The following CAST variants were observed in gnomAD, a reference collection of about 807,000 sequenced individuals.
CAST encodes MIR583 host.
In CAST, 76 loss-of-function variants were observed where a neutral mutation model predicts 119.6. That is an observed-to-expected ratio of 0.64 (90% CI 0.53 to 0.77). CAST has a LOEUF of 0.77. Among genes scored for constraint, CAST ranks in the 30% least tolerant of loss-of-function variants. The pLI, the probability that CAST is intolerant of heterozygous loss-of-function variation, is 0.00. For missense variants in CAST, 953 were observed against 946.5 expected, an observed-to-expected ratio of 1.01 and a Z score of -0.09; for synonymous variants, 319 against 331.6, an observed-to-expected ratio of 0.96 and a Z score of 0.41.
At chr5:96,719,567 T>C (rs1353788974) in intron 3 of CAST, among the ~76,000 whole-genome samples, 1 of 152,234 alleles carries the variant, frequency 6.6e-6, no homozygotes, top group Non-Finnish European at 1.5e-5. Context: ...GTGCCTTAAT[T>C]CAAGTTTATA....
upstream of CAST, among the ~76,000 whole-genome samples, chr5:96,527,770 A>T (rs909856571): frequency 6.6e-6 from 1 of 152,214 alleles, no homozygotes; most frequent in African/African-American, 2.4e-5. Context: ...GCACAAGCCC[A>T]TTCTAGAGCC....
rs986606791 is a variant in CAST at position 96,586,220 on chromosome 5, T to A, written c.60+56340T>A. Among the ~76,000 whole-genome samples, 7 of 152,344 alleles carry A rather than the reference T, an allele frequency of 4.6e-5. No individual in the cohort carries two copies. In the East Asian group the frequency reaches 1.3e-3, roughly 29 times the overall value. ...GTAGCACTAGCTCTTTGAGGGTCAA[T>A]AAGGTGAAAAGTTAGTAACTACTTG... On this transcript the variant is annotated intron_variant, in intron 1 of 11. Coordinates refer to the CAST transcript ENST00000505143.
At chr5:96,535,975 T>C (rs1745803579) in intron 1 of CAST, among the ~76,000 whole-genome samples, 1 of 151,914 alleles carries the variant, frequency 6.6e-6, no homozygotes, top group Admixed American at 6.6e-5. Flanking sequence ...AGGAGCCCTT[T>C]AGTACATTTA....
the CAST span, among the ~76,000 whole-genome samples, chr5:96,349,934 G>A: frequency 6.6e-6 from 1 of 152,114 alleles, no homozygotes; most frequent in Non-Finnish European, 1.5e-5. Context: ...CTACACAAAT[G>A]ACCAGGAATA....
At chr5:96,662,995 C>T (rs900557378) in intron 1 of CAST, 20 of 646,520 alleles carry the variant, frequency 3.1e-5, no homozygotes, top group Middle Eastern at 3.7e-4. Context: ...TTCTGCCCAC[C>T]TGGCAGCCGC....
At chr5:96,734,967 G>C (rs771281827) in intron 9 of CAST, among the ~76,000 whole-genome samples, 1 of 152,086 alleles carries the variant, frequency 6.6e-6, no homozygotes, top group Admixed American at 6.6e-5. Context: ...TGGGGAGAGA[G>C]GGAGGGGAAG....
intron 6 of CAST, chr5:96,728,169 G>A (rs150532567): frequency 2.6e-5 from 4 of 152,298 alleles, no homozygotes; most frequent in African/African-American, 7.2e-5. Flanking sequence ...AGCACTTAAA[G>A]CAAGTACTAA....
chr5:96,433,241 G>C, the CAST span: 1 of 618,214 alleles, frequency 1.6e-6, no homozygotes. Flanking sequence ...TCGGTCTCCA[G>C]GCTGAGTGGA....
At chr5:96,540,016 T>C (rs976309233) in intron 1 of CAST, among the ~76,000 whole-genome samples, 2 of 152,178 alleles carry the variant, frequency 1.3e-5, no homozygotes, top group African/African-American at 4.8e-5. Flanking sequence ...GTATTTATAG[T>C]ATACCTCTTT....
chr5:96,559,819 A>G (rs1178686292), intron 1 of CAST, among the ~76,000 whole-genome samples: 1 of 152,228 alleles, frequency 6.6e-6, no homozygotes, highest in African/African-American at 2.4e-5. Context: ...CCATCAAGCT[A>G]CCAGTGACTT....
the CAST span, among the ~76,000 whole-genome samples, chr5:96,458,332 C>T: frequency 6.6e-6 from 1 of 152,098 alleles, no homozygotes; most frequent in African/African-American, 2.4e-5. Flanking sequence ...CAAAAGATAC[C>T]GTATGGCCTG....
intron 1 of CAST, among the ~76,000 whole-genome samples, chr5:96,642,947 A>G (rs1231600839): frequency 2.0e-5 from 3 of 152,166 alleles, no homozygotes; most frequent in Admixed American, 1.3e-4. Flanking sequence ...GGTAGGAACC[A>G]TTATTTTCCC....
At chr5:96,256,505 T>C in the CAST span, among the ~76,000 whole-genome samples, 1 of 150,042 alleles carries the variant, frequency 6.7e-6, no homozygotes, top group African/African-American at 2.5e-5. Context: ...TTAGATGGTA[T>C]AGTCTGCTAT....
At chr5:96,704,418 C>A (rs72772091) in intron 3 of CAST, among the ~76,000 whole-genome samples, 17,596 of 152,102 alleles carry the variant, frequency 0.12, 1,131 homozygotes, top group Middle Eastern at 0.17. Context: ...AGAATGAAAC[C>A]AGAAAGAAAA....
the CAST span, among the ~76,000 whole-genome samples, chr5:96,350,070 A>G: frequency 6.6e-6 from 1 of 152,210 alleles, no homozygotes; most frequent in Non-Finnish European, 1.5e-5. Context: ...TAAGCCAAAA[A>G]GTGTCTGCGA....
chr5:96,271,993 A>G, the CAST span, among the ~76,000 whole-genome samples: 1 of 152,226 alleles, frequency 6.6e-6, no homozygotes, highest in Non-Finnish European at 1.5e-5. Flanking sequence ...ACAAATGGCC[A>G]TCAGATATAT....
At chr5:96,749,300 C>G (rs962513691) in intron 19 of CAST, among the ~76,000 whole-genome samples, 1 of 152,298 alleles carries the variant, frequency 6.6e-6, no homozygotes, top group South Asian at 2.1e-4. Context: ...GGCAGAGGAT[C>G]TGTAGTTCTT....
chr5:96,344,465 C>T, the CAST span, among the ~76,000 whole-genome samples: 1 of 152,172 alleles, frequency 6.6e-6, no homozygotes, highest in African/African-American at 2.4e-5. Flanking sequence ...AGCAAATTCA[C>T]ACATTAACTT....
At chr5:96,621,628 G>C (rs1048889918) in intron 1 of CAST, among the ~76,000 whole-genome samples, 1 of 152,172 alleles carries the variant, frequency 6.6e-6, no homozygotes, top group African/African-American at 2.4e-5. Flanking sequence ...CTGCTCCCGT[G>C]AGCCAATCAC....
Sources: allele counts gnomAD v4.1 joint callset (sites outside exome capture counted in the v4.1 genomes callset), GRCh38; gene constraint gnomAD v4.1.1; transcripts MANE v1.5; gene names NCBI Gene and HGNC (gene_info 2026-07-23, HGNC 2026-07-21).